Variants in ADGRG5 observed in about 807,000 individuals in gnomAD.
ADGRG5 encodes adhesion G protein-coupled receptor G5.
In ADGRG5, 37 loss-of-function variants were observed where a neutral mutation model predicts 53.2. The observed-to-expected ratio is 0.70, with a 90% CI of 0.53 to 0.91. ADGRG5 has a LOEUF of 0.91. Among genes scored for constraint, ADGRG5 ranks in the 40% least tolerant of loss-of-function variants. The pLI is 0.00. For missense variants in ADGRG5, 614 were observed against 675.8 expected, an observed-to-expected ratio of 0.91 and a Z score of 1.01; for synonymous variants, 277 against 290.4, an observed-to-expected ratio of 0.95 and a Z score of 0.47.
intron 1 of ADGRG5, among the ~76,000 whole-genome samples, chr16:57,556,617 C>G (rs1312606919): frequency 2.0e-5 from 3 of 152,196 alleles, no homozygotes; most frequent in Non-Finnish European, 2.9e-5. Flanking sequence ...TCCTGCCTGT[C>G]GTGCTATTTT....
chr16:57,530,829 G>A, the ADGRG5 span, among the ~76,000 whole-genome samples: 7 of 151,726 alleles, frequency 4.6e-5, no homozygotes, highest in Non-Finnish European at 7.4e-5. Context: ...GTCCACACTC[G>A]CCGTCTCCAC....
chr16:57,534,252 C>G, the ADGRG5 span, among the ~76,000 whole-genome samples: 5 of 152,174 alleles, frequency 3.3e-5, no homozygotes, highest in African/African-American at 9.7e-5. Context: ...CTTCCCTCAT[C>G]CAGATGGGAC....
chr16:57,562,511 A>G, intron 3 of ADGRG5, 52 bp downstream of exon 3: 2 of 1,288,178 alleles, frequency 1.6e-6, no homozygotes, highest in Non-Finnish European at 2.2e-6. Flanking sequence ...TCAGTGGGTC[A>G]GGGTTAGTCT....
chr16:57,533,241 T>G, the ADGRG5 span, among the ~76,000 whole-genome samples: 2 of 151,994 alleles, frequency 1.3e-5, no homozygotes, highest in African/African-American at 4.8e-5. Context: ...ACTCCCACCT[T>G]TGCACTTCAG....
At chr16:57,558,841 T>C (rs1218144816) in intron 1 of ADGRG5, among the ~76,000 whole-genome samples, 1 of 151,666 alleles carries the variant, frequency 6.6e-6, no homozygotes, top group East Asian at 1.9e-4. Context: ...AGTGGCTTTT[T>C]TTTTTTTTTT....
rs1259718105 is a variant in ADGRG5 at position 57,563,099 on chromosome 16, A to C, written c.149A>C (p.His50Pro). ...ATCTCTCTGGGCTGCAGTCAACTCC[A>C]CCAGCTGGAGCAGATGCTACTGAAC... is the stretch of plus-strand genomic sequence containing the variant. ...RSSVFSSRQL[H>P]QLEQMLLNTS... The change falls in exon 4 of 12, where the codon CAC becomes CCC. Residue 50 changes from histidine (H) to proline (P), a missense_variant. Transcript: ENST00000349457. 6.2e-7 allele frequency: 1 copy of C among 1,614,076 alleles called. No homozygotes were observed.
chr16:57,541,393 C>G (rs977902350), upstream of ADGRG5, among the ~76,000 whole-genome samples: 1 of 152,146 alleles, frequency 6.6e-6, no homozygotes, highest in Non-Finnish European at 1.5e-5. Context: ...CAAAGAAAAC[C>G]GAAGCGCAAA....
At chr16:57,561,150 C>T (rs2032991397) in intron 1 of ADGRG5, among the ~76,000 whole-genome samples, 1 of 152,208 alleles carries the variant, frequency 6.6e-6, no homozygotes, top group African/African-American at 2.4e-5. Context: ...TTCTCAAGTG[C>T]TTCCAAGGTT....
intron 1 of ADGRG5, among the ~76,000 whole-genome samples, chr16:57,552,758 G>A (rs193210787): frequency 6.6e-6 from 1 of 152,224 alleles, no homozygotes; most frequent in East Asian, 1.9e-4. Flanking sequence ...GAACTGTTCG[G>A]TGCAGGATGC....
rs1189199725 is a variant in ADGRG5 at position 57,575,934 on chromosome 16, C to T, written c.*396C>T. 1.7e-5 allele frequency: 3 copies of T among 176,052 alleles called. No homozygotes were observed. Among genetic ancestry groups the T allele is most frequent in the South Asian group, 1.4e-4 (1 of 6,904 alleles). 10.9% of individuals were successfully genotyped at this position (176,052 alleles called of 1,614,324 possible). On this transcript the variant is annotated 3_prime_UTR_variant, in exon 12 of 12. Transcript: ENST00000349457. ...TCCACAGCTGTGACATGGGGGCAAG[C>T]GGCTTTGTTTCAGCCTAACCCAGGA...
At chr16:57,543,654 T>C (rs2032545875) in intron 1 of ADGRG5, among the ~76,000 whole-genome samples, 1 of 152,054 alleles carries the variant, frequency 6.6e-6, no homozygotes. Flanking sequence ...GGCTCCAGAC[T>C]GTGGTTGGCA....
Position 57,562,193 on chromosome 16 carries a change from C to A in ADGRG5, c.64+36C>A, listed in dbSNP as rs767122139. The A allele has an allele frequency of 1.2e-5, 19 of 1,565,270 alleles. No individual in the cohort carries two copies. The South Asian group carries it at 2.2e-4, about 18-fold the overall frequency. On this transcript the variant is annotated intron_variant, in intron 2 of 11. Coordinates refer to ENST00000349457, the MANE Select transcript of ADGRG5 (RefSeq NM_001304376.3). ...TCTGCTGAACTGGGGGCAGCCCTAG[C>A]CCAGTCGTGGGACTGTGATGCAAAA...
chr16:57,569,731 T>A (rs774378604), intron 9 of ADGRG5, among the ~76,000 whole-genome samples: 1 of 146,078 alleles, frequency 6.8e-6, no homozygotes, highest in Non-Finnish European at 1.5e-5. Context: ...CATCACATCC[T>A]CCATCTCCTC....
the ADGRG5 span, among the ~76,000 whole-genome samples, chr16:57,535,062 C>G: frequency 6.6e-6 from 1 of 152,324 alleles, no homozygotes; most frequent in Admixed American, 6.5e-5. Context: ...CAGGTAGGGC[C>G]CTGGGACAAG....
upstream of ADGRG5, chr16:57,542,511 AAAG>A (rs1409070933): frequency 1.3e-5 from 2 of 153,172 alleles, no homozygotes; most frequent in African/African-American, 4.8e-5. Flanking sequence ...GCTGCTGGTG[AAAG>A]AAGAAGTGAA....
At chr16:57,573,920 C>T (rs2033434306) in intron 10 of ADGRG5, among the ~76,000 whole-genome samples, 1 of 152,118 alleles carries the variant, frequency 6.6e-6, no homozygotes, top group Non-Finnish European at 1.5e-5. Context: ...CGGGGTTTCA[C>T]CATGTTGGCC....
chr16:57,567,351 A>G (rs1209824327), intron 7 of ADGRG5, 119 bp from the exon 8 acceptor site: 10 of 1,156,540 alleles, frequency 8.6e-6, no homozygotes, highest in East Asian at 2.5e-5. Context: ...AGCCAGGTCC[A>G]TGGCTAGGCT....
At position 57,562,412 on chromosome 16, in the gene ADGRG5, G is replaced by T; in HGVS notation, c.93G>T (p.Met31Ile). The change falls in exon 3 of 12, where the codon ATG (methionine) becomes ATT (isoleucine). Residue 31 changes from methionine to isoleucine, a missense_variant. By Grantham distance (10) the Met-to-Ile change is conservative. Transcript: ENST00000349457. ...TETWEELLSY[M>I]ENMQVSRGRS... ...CATGGGAAGAACTCCTGAGCTACAT[G>T]GAGAATATGCAGGTGTCCAGGGGCC... 1 of 1,608,734 alleles carries T rather than the reference G, an allele frequency of 6.2e-7. No individual in the cohort carries two copies. Among genetic ancestry groups the T allele is most frequent in the African/African-American group, 1.3e-5 (1 of 74,836 alleles).
intron 10 of ADGRG5, among the ~76,000 whole-genome samples, chr16:57,571,351 C>T (rs2033351860): frequency 6.6e-6 from 1 of 152,094 alleles, no homozygotes; most frequent in Admixed American, 6.6e-5. Flanking sequence ...AGAACTCTAC[C>T]TGAGGAGCCC....
Sources: allele counts gnomAD v4.1 joint callset (sites outside exome capture counted in the v4.1 genomes callset), GRCh38; gene constraint gnomAD v4.1.1; transcripts MANE v1.5; gene names NCBI Gene and HGNC (gene_info 2026-07-23, HGNC 2026-07-21).